The following CDC123 variants were observed in gnomAD, a reference collection of about 807,000 sequenced individuals.
CDC123 encodes translation initiation factor eIF2 assembly protein.
In CDC123, 37 loss-of-function variants were observed where a neutral mutation model predicts 54.4. The ratio of observed to expected loss-of-function variants is 0.68; its 90% confidence interval spans 0.52 to 0.89. The LOEUF (loss-of-function observed/expected upper bound fraction) is 0.89, where lower values mean the gene tolerates loss of function less well. Ranked by LOEUF, CDC123 falls within the 40% of genes least tolerant of loss-of-function variation. The pLI, the probability that CDC123 is intolerant of heterozygous loss-of-function variation, is 0.00. For missense variants in CDC123, 361 were observed against 412.1 expected, an observed-to-expected ratio of 0.88 and a Z score of 1.07; for synonymous variants, 144 against 136.8, an observed-to-expected ratio of 1.05 and a Z score of -0.37.
intron 6 of CDC123, among the ~76,000 whole-genome samples, chr10:12,227,266 G>C (rs1291563408): frequency 1.6e-5 from 2 of 125,312 alleles, no homozygotes; most frequent in Admixed American, 1.8e-4. Flanking sequence ...GAGAGGGAGA[G>C]ATAGACCATG....
Position 12,196,279 on chromosome 10 carries a change from T to C in CDC123, c.34T>C (p.Ser12Pro). 1 of 1,613,948 alleles carries C rather than the reference T, an allele frequency of 6.2e-7. No homozygotes were observed. The highest frequency in any genetic ancestry group is 1.1e-5 in the South Asian group (1 of 91,078). The change falls in exon 1 of 13, where the codon TCC becomes CCC. Residue 12 changes from serine (S) to proline (P), a missense_variant. Ser to Pro is a moderately conservative substitution (Grantham distance 74). Coordinates refer to ENST00000281141, the MANE Select transcript of CDC123 (RefSeq NM_006023.3). ...KKEHVLHCQF[S>P]AWYPFFRGVT... Reference sequence around the variant, plus strand: ...GGAGCATGTGCTTCACTGCCAGTTCTCCGCGTGGTACCCGTTCTTCCGAGG... The same window carrying C: ...GGAGCATGTGCTTCACTGCCAGTTCCCCGCGTGGTACCCGTTCTTCCGAGG...
chr10:12,234,909 C>G, intron 7 of CDC123, 139 bp from the exon 8 acceptor site: 1 of 604,402 alleles, frequency 1.7e-6, no homozygotes, highest in Non-Finnish European at 2.9e-6. Context: ...CCATCATGCC[C>G]GGCCAAGAAT....
intron 11 of CDC123, 108 bp downstream of exon 11, chr10:12,246,385 C>T (rs12252466): frequency 0.014 from 17,865 of 1,288,008 alleles, 790 homozygotes; most frequent in South Asian, 0.091. Flanking sequence ...CCTTGGGAAG[C>T]GCAGAGTGTA....
chr10:12,241,425 A>G (rs1044680689), intron 10 of CDC123, among the ~76,000 whole-genome samples: 1 of 152,046 alleles, frequency 6.6e-6, no homozygotes, highest in East Asian at 1.9e-4. Context: ...GTTCTTTTGT[A>G]ACTTCTTGTT....
In CDC123 at chr10:12,198,794, A is replaced by G. The variant is rs1377076509; in HGVS notation, c.146+18A>G. ...TCAGGAAGGTAAAGTATTTTAGAAA[A>G]AAATTTCTTAAACTTTATCATAAAG... On this transcript the variant is annotated intron_variant, in intron 2 of 12. Transcript: ENST00000281141. 2 of 1,362,810 alleles carry G rather than the reference A, an allele frequency of 1.5e-6. No individual in the cohort carries two copies. The highest frequency in any genetic ancestry group is 2.1e-6 in the Non-Finnish European group (2 of 964,250). 84.4% of individuals were successfully genotyped at this position (1,362,810 alleles called of 1,614,324 possible). A position where few individuals can be genotyped will look rare whatever the true frequency, so the allele number is the denominator to read the frequency against.
At chr10:12,234,810 A>G (rs1235882279) in intron 7 of CDC123, among the ~76,000 whole-genome samples, 1 of 149,576 alleles carries the variant, frequency 6.7e-6, no homozygotes, top group Non-Finnish European at 1.5e-5. Flanking sequence ...CTGAAGTGCA[A>G]TGGCGTGATC....
chr10:12,234,052 G>GT (rs1196930121), intron 7 of CDC123, among the ~76,000 whole-genome samples: 7 of 151,890 alleles, frequency 4.6e-5, no homozygotes, highest in African/African-American at 1.7e-4. Flanking sequence ...GGTACTTAAG[G>GT]TAGACAACTT....
chr10:12,244,969 A>G (rs922024582), intron 10 of CDC123: 3 of 152,558 alleles, frequency 2.0e-5, no homozygotes, highest in Admixed American at 6.5e-5. Flanking sequence ...AGATCGCACC[A>G]TTGTACTCCA....
chr10:12,242,635 G>C (rs1836074237), intron 10 of CDC123, among the ~76,000 whole-genome samples: 1 of 152,142 alleles, frequency 6.6e-6, no homozygotes, highest in African/African-American at 2.4e-5. Context: ...GTTTGTGCTT[G>C]AGATGTCACA....
rs545430880 is a variant in CDC123 at position 12,227,225 on chromosome 10, C to G, written c.441-3723C>G. Among the ~76,000 whole-genome samples the G allele has an allele frequency of 3.0e-3, 400 of 134,242 alleles. 1 individual carries two copies. The highest frequency in any genetic ancestry group is 5.9e-3 in the Admixed American group (71 of 12,088). The allele number at this position is 134,242 out of a possible 152,430, so 88.1% of individuals were successfully genotyped here. ...GCGGCACTACAGTCCAGCCTCTGCT[C>G]GGCATCAGAGGGAGACCGTGGAGAG... On this transcript the variant is annotated intron_variant, in intron 6 of 12. Transcript: ENST00000281141.
At chr10:12,200,928 C>T (rs1835430726) in intron 2 of CDC123, among the ~76,000 whole-genome samples, 2 of 115,390 alleles carry the variant, frequency 1.7e-5, no homozygotes, top group Non-Finnish European at 2.1e-5. Flanking sequence ...AGCTAAACTT[C>T]GTCTCAAAAA....
chr10:12,214,041 A>G (rs185693108), intron 4 of CDC123, among the ~76,000 whole-genome samples: 1 of 152,328 alleles, frequency 6.6e-6, no homozygotes, highest in East Asian at 1.9e-4. Context: ...TCTTCCACTT[A>G]AGACTGTGCA....
chr10:12,246,449 C>T (rs1836139329), intron 11 of CDC123, 172 bp downstream of exon 11: 2 of 631,086 alleles, frequency 3.2e-6, no homozygotes. Context: ...AGAAGGGGGC[C>T]CCACTTAACT....
intron 2 of CDC123, 198 bp downstream of exon 2, chr10:12,198,974 A>G (rs1835401520): frequency 2.3e-6 from 1 of 442,758 alleles, no homozygotes; most frequent in Admixed American, 4.3e-5. Context: ...TCTAATAATT[A>G]CAAGTTGTGA....
At chr10:12,204,040 C>T (rs1835480487) in intron 2 of CDC123, among the ~76,000 whole-genome samples, 1 of 146,598 alleles carries the variant, frequency 6.8e-6, no homozygotes, top group Non-Finnish European at 1.5e-5. Flanking sequence ...CTGCAGTGAG[C>T]TATGATCATG....
At chr10:12,224,996 C>T (rs189634583) in intron 6 of CDC123, among the ~76,000 whole-genome samples, 1 of 152,238 alleles carries the variant, frequency 6.6e-6, no homozygotes, top group Non-Finnish European at 1.5e-5. Flanking sequence ...AAGAATGGTG[C>T]AGACTTCCTG....
intron 2 of CDC123, 65 bp from the exon 3 acceptor site, chr10:12,209,902 C>G (rs1835574075): frequency 1.3e-6 from 2 of 1,499,022 alleles, no homozygotes; most frequent in Non-Finnish European, 1.9e-6. Flanking sequence ...CTCAGTACCC[C>G]TGAAATTAGG....
intron 9 of CDC123, 116 bp from the exon 10 acceptor site, chr10:12,238,341 C>T (rs937794993): frequency 3.4e-6 from 4 of 1,170,096 alleles, no homozygotes; most frequent in Admixed American, 5.7e-5. Context: ...AGCATGAAGT[C>T]CTCAGGGTCA....
At chr10:12,216,625 A>G (rs760668468) in intron 5 of CDC123, among the ~76,000 whole-genome samples, 10 of 152,154 alleles carry the variant, frequency 6.6e-5, no homozygotes, top group Non-Finnish European at 1.0e-4. Flanking sequence ...GCTGTTTTCA[A>G]ATATTTTAGT....
Sources: gnomAD v4.1 joint callset for allele counts (sites outside exome capture counted in the v4.1 genomes callset) on GRCh38, gnomAD v4.1.1 for gene constraint, MANE v1.5 for transcripts, NCBI Gene and HGNC (gene_info 2026-07-23, HGNC 2026-07-21) for gene names.